Variants in COLEC11 observed in about 807,000 individuals in gnomAD.
COLEC11 encodes the protein collectin subfamily member 11.
In COLEC11, 20 loss-of-function variants were observed where a neutral mutation model predicts 27.3. That is an observed-to-expected ratio of 0.73 (90% CI 0.51 to 1.06). The LOEUF (loss-of-function observed/expected upper bound fraction) is 1.06. COLEC11 is among the 50% of genes least tolerant of loss of function. COLEC11 has a pLI of 0.00. For synonymous variants in COLEC11, 163 were observed against 154.7 expected (o/e 1.05, Z -0.40); for missense variants, 310 against 383.0 (o/e 0.81, Z 1.59).
chr2:3,601,092 A>C (rs1572381447), intron 1 of COLEC11, among the ~76,000 whole-genome samples: 1 of 152,246 alleles, frequency 6.6e-6, no homozygotes, highest in East Asian at 1.9e-4. Context: ...GGATGTTTGA[A>C]GAAAGGGGGA....
chr2:3,614,197 G>A (rs369130122), intron 3 of COLEC11, among the ~76,000 whole-genome samples: 1 of 151,636 alleles, frequency 6.6e-6, no homozygotes, highest in Admixed American at 6.6e-5. Context: ...GGCTGGTCTC[G>A]AACTCCTGGC....
intron 3 of COLEC11, among the ~76,000 whole-genome samples, chr2:3,614,522 G>A (rs557183238): frequency 6.6e-6 from 1 of 152,140 alleles, no homozygotes; most frequent in Non-Finnish European, 1.5e-5. Flanking sequence ...TCCTAAGCAA[G>A]AGCTGGAACA....
chr2:3,643,170 C>T (rs1034917020), intron 5 of COLEC11, among the ~76,000 whole-genome samples: 3 of 152,194 alleles, frequency 2.0e-5, no homozygotes, highest in Non-Finnish European at 4.4e-5. Context: ...CCAACCCTGC[C>T]CTGGGCTGCT....
chr2:3,638,433 G>C (rs1665598406), intron 4 of COLEC11, among the ~76,000 whole-genome samples: 1 of 152,210 alleles, frequency 6.6e-6, no homozygotes, highest in Admixed American at 6.5e-5. Flanking sequence ...CGGCTAAGCT[G>C]CCCTGAGCAC....
rs114034145 is a variant in COLEC11, at chr2:3,608,572, C to T, written c.130+4102C>T. Among the ~76,000 whole-genome samples, 1,300 of 152,226 alleles carry T rather than the reference C, an allele frequency of 8.5e-3. 19 individuals carry two copies. Among genetic ancestry groups the T allele is most frequent in the African/African-American group, 0.03 (1,243 of 41,510 alleles). On this transcript the variant is annotated intron_variant, in intron 2 of 6. Coordinates refer to ENST00000349077, the MANE Select transcript of COLEC11 (RefSeq NM_024027.5). ...GTGCAGTGGGTCACGCCTGTGATCCCGGCACTTTGGGAAGCCGAGGTGGGA... is the reference window on the plus strand; with the variant it reads ...GTGCAGTGGGTCACGCCTGTGATCCTGGCACTTTGGGAAGCCGAGGTGGGA...
rs1451780624 is a variant in COLEC11 at position 3,644,567 on chromosome 2, A to G, written c.*449A>G. ...ATTACAATATAGGTTCCTTCACACT[A>G]TTATCCATGTAAAAACAATTTTGCT... On this transcript the variant is annotated 3_prime_UTR_variant, in exon 7 of 7. Coordinates refer to ENST00000349077, the MANE Select transcript of COLEC11 (RefSeq NM_024027.5). 13 of 398,136 alleles carry G rather than the reference A, an allele frequency of 3.3e-5. No homozygotes were observed. The highest frequency in any genetic ancestry group is 6.4e-5 in the Admixed American group (2 of 31,150). 24.7% of individuals were successfully genotyped at this position (398,136 alleles called of 1,614,324 possible).
chr2:3,605,975 G>A, intron 2 of COLEC11: 1 of 1,318,396 alleles, frequency 7.6e-7, no homozygotes, highest in Non-Finnish European at 1.0e-6. Context: ...GCTTTTAATT[G>A]TGATAAATGT....
rs115026401 is a variant in COLEC11, at chr2:3,602,599, C to T, written c.-26-1716C>T. On this transcript the variant is annotated intron_variant, in intron 1 of 6. Transcript: ENST00000349077. The surrounding 1 kb of genome is among the most constrained non-coding windows in gnomAD (Gnocchi z 6.2). ...TGGTCACCCTGGCTTGGTCTCCTTG[C>T]TTCCGTTGCTGTTCCCCTAAGTCCC... 0.011 allele frequency among the ~76,000 whole-genome samples: 1,746 copies of T among 152,286 alleles called. 26 individuals carry two copies. The highest frequency in any genetic ancestry group is 0.038 in the African/African-American group (1,590 of 41,546).
intron 3 of COLEC11, among the ~76,000 whole-genome samples, chr2:3,614,765 A>C (rs978275331): frequency 6.6e-5 from 10 of 152,230 alleles, no homozygotes; most frequent in African/African-American, 2.4e-4. Flanking sequence ...GAACTACCAG[A>C]AACCTGGCAA....
At chr2:3,604,185 C>T (rs759107107) in intron 1 of COLEC11, 130 bp from the exon 2 acceptor site, 732 of 974,890 alleles carry the variant, frequency 7.5e-4, no homozygotes, top group Non-Finnish European at 1.1e-3. Flanking sequence ...GAGGAGCACC[C>T]GCCATGGGGG....
Position 3,644,029 on chromosome 2 carries a change from GT to G in COLEC11, c.728del (p.Val243GlyfsTer64). On this transcript the variant is annotated frameshift_variant, in exon 7 of 7. Transcript: ENST00000349077. LOFTEE classifies it high-confidence loss of function. The part of the protein sequence containing the change: ...PNNAYDEEDC[V>X]EMVASGGWND... Reference sequence around the variant, plus strand: ...CAATGCCTACGACGAGGAGGACTGCGTGGAGATGGTGGCCTCGGGCGGCTGG... The same window carrying G: ...CAATGCCTACGACGAGGAGGACTGCGGGAGATGGTGGCCTCGGGCGGCTGG... 2 of 1,613,922 alleles carry G rather than the reference GT, an allele frequency of 1.2e-6. No individual in the cohort carries two copies. The highest frequency in any genetic ancestry group is 1.7e-6 in the Non-Finnish European group (2 of 1,180,056).
Position 3,601,270 on chromosome 2 carries a change from T to A in COLEC11, c.-26-3045T>A, listed in dbSNP as rs1166689599. 2.0e-5 allele frequency among the ~76,000 whole-genome samples: 3 copies of A among 152,172 alleles called. No individual in the cohort carries two copies. In the South Asian group the frequency reaches 6.2e-4, roughly 32 times the overall value. ...GTAGCCAAAGCTCATGGGTTTACTT[T>A]TTGTGACTTTGAGCTTTTGGATTTT... On this transcript the variant is annotated intron_variant, in intron 1 of 6. Transcript: ENST00000349077.
intron 2 of COLEC11, chr2:3,606,299 C>A: frequency 6.9e-7 from 1 of 1,452,234 alleles, no homozygotes; most frequent in Non-Finnish European, 9.4e-7. Context: ...CCTTTCTGGG[C>A]GCCGCCTTTC....
chr2:3,624,611 T>C (rs1664401690), intron 3 of COLEC11, among the ~76,000 whole-genome samples: 1 of 152,198 alleles, frequency 6.6e-6, no homozygotes, highest in Non-Finnish European at 1.5e-5. Context: ...GCTGTGTTGC[T>C]CAGCTCACAG....
intron 1 of COLEC11, among the ~76,000 whole-genome samples, chr2:3,600,263 A>C (rs976735605): frequency 8.1e-6 from 1 of 123,148 alleles, no homozygotes; most frequent in Non-Finnish European, 1.8e-5. Context: ...CAAAACTCAA[A>C]AGCAAGCAAG....
At position 3,644,416 on chromosome 2, in the gene COLEC11, C is replaced by CTA. The variant is rs1170553986; in HGVS notation, c.*301_*302dup. ...CATAAAGCTTGTGCCTTTGTCCAAGCTATACAATAAAATCTTTAAGTAGTG... is the reference window on the plus strand; with the variant it reads ...CATAAAGCTTGTGCCTTTGTCCAAGCTATATACAATAAAATCTTTAAGTAGTG... On this transcript the variant is annotated 3_prime_UTR_variant, in exon 7 of 7. Coordinates refer to ENST00000349077, the MANE Select transcript of COLEC11 (RefSeq NM_024027.5). The CTA allele has an allele frequency of 3.4e-6, 2 of 592,278 alleles. No homozygotes were observed. The highest frequency in any genetic ancestry group is 3.6e-5 in the African/African-American group (2 of 54,858). The allele number at this position is 592,278 out of a possible 1,614,324, so 36.7% of individuals were successfully genotyped here. A position where few individuals can be genotyped will look rare whatever the true frequency, so the allele number is the denominator to read the frequency against.
intron 3 of COLEC11, among the ~76,000 whole-genome samples, chr2:3,627,519 G>A (rs1033290886): frequency 1.3e-5 from 2 of 150,814 alleles, no homozygotes; most frequent in Non-Finnish European, 3.0e-5. Flanking sequence ...CATAATAACG[G>A]TAGATCGGGG....
intron 2 of COLEC11, among the ~76,000 whole-genome samples, chr2:3,612,584 T>C (rs1172507322): frequency 6.6e-6 from 1 of 152,174 alleles, no homozygotes; most frequent in Admixed American, 6.5e-5. Context: ...TAGAATTCCA[T>C]TTGTTTCAGG....
chr2:3,608,999 G>A (rs1161776831), intron 2 of COLEC11, among the ~76,000 whole-genome samples: 1 of 152,250 alleles, frequency 6.6e-6, no homozygotes, highest in African/African-American at 2.4e-5. Flanking sequence ...AAGGAAAGCA[G>A]TTTCTGACTC....
Sources: gnomAD v4.1 joint callset for allele counts (sites outside exome capture counted in the v4.1 genomes callset) on GRCh38, gnomAD v4.1.1 for gene constraint, Gnocchi (gnomAD v3.1) non-coding constraint, MANE v1.5 for transcripts, NCBI Gene and HGNC (gene_info 2026-07-23, HGNC 2026-07-21) for gene names.